Variants in FBXL18 observed in about 807,000 individuals in gnomAD.
FBXL18 encodes the protein F-box and leucine rich repeat protein 18.
In FBXL18, 36 loss-of-function variants were observed where a neutral mutation model predicts 46.0. The observed-to-expected ratio is 0.78, with a 90% CI of 0.60 to 1.03. The LOEUF (loss-of-function observed/expected upper bound fraction) is 1.03. Ranked by LOEUF, FBXL18 falls within the 50% of genes least tolerant of loss-of-function variation. The pLI, the probability that FBXL18 is intolerant of heterozygous loss-of-function variation, is 0.00. For missense variants in FBXL18, 977 were observed against 1,004.1 expected (o/e 0.97, Z 0.36); for synonymous variants, 557 against 465.3 (o/e 1.20, Z -2.54).
intron 3 of FBXL18, among the ~76,000 whole-genome samples, chr7:5,497,815 G>A (rs1380996498): frequency 1.3e-5 from 2 of 152,196 alleles, no homozygotes; most frequent in African/African-American, 4.8e-5. Flanking sequence ...TTATGGCAGG[G>A]AGGATGGGCT....
At position 5,491,360 on chromosome 7, in the gene FBXL18, C is replaced by T. The variant is rs757535969; in HGVS notation, c.1871G>A (p.Arg624His). The T allele has an allele frequency of 1.1e-5, 17 of 1,610,258 alleles. No homozygotes were observed. Among genetic ancestry groups the T allele is most frequent in the Middle Eastern group, 1.7e-4 (1 of 6,056 alleles). Residue 624 changes from arginine (R) to histidine (H), a missense_variant, in exon 4 of 5, where the codon CGC becomes CAC. Arg to His is a conservative substitution (Grantham distance 29). Coordinates refer to ENST00000382368, the MANE Select transcript of FBXL18 (RefSeq NM_024963.6). Reference protein sequence around the residue: ...PSLQRLCLVSRSGTLQPDAVL... With the variant: ...PSLQRLCLVSHSGTLQPDAVL... ...GGCATCGGGCTGGAGGGTGCCGCTG[C>T]GAGAGACCAGGCACAGGCGCTGCAG...
chr7:5,462,135 G>A (rs1436653344), intron 4 of FBXL18, among the ~76,000 whole-genome samples: 1 of 152,024 alleles, frequency 6.6e-6, no homozygotes. Context: ...GGCTGAGGCA[G>A]GAGAATGGCT....
chr7:5,459,372 G>T (rs757628530), intron 4 of FBXL18, among the ~76,000 whole-genome samples: 5 of 152,204 alleles, frequency 3.3e-5, no homozygotes, highest in Non-Finnish European at 7.3e-5. Flanking sequence ...GGAGGCCAAG[G>T]CGGGTGGATC....
intron 3 of FBXL18, among the ~76,000 whole-genome samples, chr7:5,497,085 C>T (rs1784100866): frequency 6.6e-6 from 1 of 150,830 alleles, no homozygotes. Context: ...CCTATAGTCC[C>T]AGCTACTCGG....
chr7:5,465,501 G>A (rs1450511663), intron 4 of FBXL18, among the ~76,000 whole-genome samples: 1 of 152,112 alleles, frequency 6.6e-6, no homozygotes, highest in African/African-American at 2.4e-5. Context: ...GATTGAGACA[G>A]TCTCACTCTG....
Position 5,505,627 on chromosome 7 carries a change from T to C in FBXL18, c.22A>G (p.Ile8Val). ...TGCATGTCATCATCATCATTGGATA[T>C]GTCCTGAAAATAAGGGGGACACCAT... MASSGED[I>V]SNDDDDMHPA... The change falls in exon 2 of 5, where the codon ATA becomes GTA. Residue 8 changes from isoleucine (I) to valine (V), a missense_variant. Coordinates refer to ENST00000382368, the MANE Select transcript of FBXL18 (RefSeq NM_024963.6). 1 of 1,613,646 alleles carries C rather than the reference T, an allele frequency of 6.2e-7. No individual in the cohort carries two copies. The highest frequency in any genetic ancestry group is 1.3e-5 in the African/African-American group (1 of 75,018).
At chr7:5,487,532 C>A (rs886770679) in intron 4 of FBXL18, among the ~76,000 whole-genome samples, 2 of 151,888 alleles carry the variant, frequency 1.3e-5, no homozygotes, top group African/African-American at 4.9e-5. Context: ...CGGCCCCTCT[C>A]CTCTTCCAGG....
In FBXL18 at chr7:5,512,297, TAAAAAAAAA is replaced by T. The variant is rs71004681; in HGVS notation, c.18+1351_18+1359del. ...GCACTGAACCATGTGAAGTGTTATT[TAAAAAAAAA>T]AAAAAAAAAAAAAAAAAGCAGAGTC... On this transcript the variant is annotated intron_variant, in intron 1 of 4. Coordinates refer to ENST00000382368, the MANE Select transcript of FBXL18 (RefSeq NM_024963.6). Among the ~76,000 whole-genome samples the T allele has an allele frequency of 7.8e-4, 67 of 85,548 alleles. 1 individual carries two copies. The highest frequency in any genetic ancestry group is 1.1e-3 in the East Asian group (3 of 2,830). 56.1% of individuals were successfully genotyped at this position (85,548 alleles called of 152,430 possible).
intron 4 of FBXL18, 127 bp from the exon 5 acceptor site, chr7:5,482,058 G>C (rs1368719008): frequency 8.9e-7 from 1 of 1,121,176 alleles, no homozygotes; most frequent in African/African-American, 1.6e-5. Context: ...CTCCCAGACA[G>C]ACCATGCCTG....
At chr7:5,508,264 CAAA>C (rs35577676) in intron 1 of FBXL18, among the ~76,000 whole-genome samples, 2 of 124,824 alleles carry the variant, frequency 1.6e-5, no homozygotes. Context: ...GACTCCATCT[CAAA>C]AAAAAAAAAA....
At chr7:5,494,272 CA>C (rs1171789679) in intron 3 of FBXL18, among the ~76,000 whole-genome samples, 2,775 of 118,218 alleles carry the variant, frequency 0.023, 80 homozygotes, top group African/African-American at 0.072. Flanking sequence ...AACTCCATCT[CA>C]AAAAAAAAAA....
Position 5,513,671 on chromosome 7 carries a change from C to T in FBXL18, c.4G>A (p.Ala2Thr). 2 of 1,609,290 alleles carry T rather than the reference C, an allele frequency of 1.2e-6. No homozygotes were observed. Among genetic ancestry groups the T allele is most frequent in the East Asian group, 2.2e-5 (1 of 44,624 alleles). M[A>T]SSGEDISNDD... ...GCGGACAGTACCTCTCCGGAGCTGG[C>T]CATGTCGCCGGCGGGTCCGAACCGC... Residue 2 changes from alanine to threonine, a missense_variant, in exon 1 of 5, where the codon GCC becomes ACC. Ala to Thr is a moderately conservative substitution (Grantham distance 58). Coordinates refer to ENST00000382368, the MANE Select transcript of FBXL18 (RefSeq NM_024963.6).
rs951414602 is a variant in FBXL18, at chr7:5,509,284, A to AT, written c.19-3655dup. ...TTAAAACCTCATAGAAATTACAATA[A>AT]TTTTTTTTAAAAAGAGAGGGAGAGA... On this transcript the variant is annotated intron_variant, in intron 1 of 4. Coordinates refer to ENST00000382368, the MANE Select transcript of FBXL18 (RefSeq NM_024963.6). Among the ~76,000 whole-genome samples the AT allele has an allele frequency of 7.9e-5, 12 of 151,704 alleles. 1 individual carries two copies. In the South Asian group the frequency reaches 1.2e-3, roughly 16 times the overall value.
At chr7:5,474,204 T>C (rs1360205307), downstream of FBXL18, among the ~76,000 whole-genome samples, 1 of 151,728 alleles carries the variant, frequency 6.6e-6, no homozygotes, top group African/African-American at 2.4e-5. Flanking sequence ...GAATGTTTAA[T>C]GGGGACAGAG....
intron 2 of FBXL18, 43 bp downstream of exon 2, chr7:5,505,369 A>T: frequency 6.4e-7 from 1 of 1,567,512 alleles, no homozygotes; most frequent in Non-Finnish European, 8.8e-7. Flanking sequence ...TCAAAGACTG[A>T]GATCTAGCTT....
At chr7:5,484,061 G>C (rs927039812) in intron 4 of FBXL18, among the ~76,000 whole-genome samples, 15 of 152,148 alleles carry the variant, frequency 9.9e-5, no homozygotes, top group African/African-American at 3.6e-4. Context: ...GTCCATGACC[G>C]TGAACACCAC....
intron 4 of FBXL18, among the ~76,000 whole-genome samples, chr7:5,468,323 C>T (rs34574465): frequency 0.029 from 4,349 of 150,940 alleles, 91 homozygotes; most frequent in South Asian, 0.075. Context: ...TTCACTGTGT[C>T]AGCCAGGATG....
rs766397452 is a variant in FBXL18, at chr7:5,501,462, G to A, written c.807C>T (p.Val269=). 4.3e-6 allele frequency: 7 copies of A among 1,613,840 alleles called. No homozygotes were observed. In the East Asian group the frequency reaches 6.7e-5, roughly 15 times the overall value. Residue 269 remains valine (V), a synonymous_variant, in exon 3 of 5, where the codon GTC becomes GTT. Transcript: ENST00000382368. ...CGCCGCTCTCCGCGAAGCTGCCAGG[G>A]ACGGAGATGAGGAAGGCGTGGAGGT... The part of the protein sequence containing the change: ...PQNLHAFLIS[V]PGSFAESGAT...
At position 5,478,079 on chromosome 7, in the gene FBXL18, C is replaced by G. The variant is rs942374828; in HGVS notation, c.*3696G>C. On this transcript the variant is annotated 3_prime_UTR_variant, in exon 5 of 5. Coordinates refer to ENST00000382368, the MANE Select transcript of FBXL18 (RefSeq NM_024963.6). ...GGCGCTGCTGAGCTGGCAGGCAACC[C>G]TTGTGTGTTTGCAGCGCAAGAGGAG... The G allele has an allele frequency of 2.0e-5, 3 of 152,412 alleles. No individual in the cohort carries two copies. The highest frequency in any genetic ancestry group is 7.2e-5 in the African/African-American group (3 of 41,458). The allele number at this position is 152,412 out of a possible 1,614,324, so 9.4% of individuals were successfully genotyped here.
Sources: gnomAD v4.1 joint callset for allele counts (sites outside exome capture counted in the v4.1 genomes callset) on GRCh38, gnomAD v4.1.1 for gene constraint, MANE v1.5 for transcripts, NCBI Gene and HGNC (gene_info 2026-07-23, HGNC 2026-07-21) for gene names.